ZNF556: variants seen among roughly 807,000 people sequenced by gnomAD.
The protein encoded by ZNF556 is zinc finger protein 556.
A neutral mutation model predicts 13.6 loss-of-function variants in ZNF556; 11 were observed. The ratio of observed to expected loss-of-function variants is 0.81; its 90% CI spans 0.51 to 1.33. The LOEUF is 1.33. ZNF556 is among the 40% of genes most tolerant of loss of function. The pLI is 0.00. For synonymous variants in ZNF556, 229 were observed against 207.8 expected (o/e 1.10, Z -0.88); for missense variants, 633 against 566.2 (o/e 1.12, Z -1.20).
In ZNF556 at chr19:2,880,118, G is replaced by A. The variant is rs1371012051; in HGVS notation, c.*1789G>A. 6.6e-6 allele frequency: 1 copy of A among 152,164 alleles called. No homozygotes were observed. Among genetic ancestry groups the A allele is most frequent in the Non-Finnish European group, 1.5e-5 (1 of 68,034 alleles). 9.4% of individuals were successfully genotyped at this position (152,164 alleles called of 1,614,324 possible). On this transcript the variant is annotated 3_prime_UTR_variant, in exon 4 of 4. Coordinates refer to ENST00000307635, the MANE Select transcript of ZNF556 (RefSeq NM_024967.3). ...TACTGTGACCTAGTATTCTTCGTGA[G>A]ATAAATCTTACCTTTCATGAGAAAA...
chr19:2,878,147 C>A lies in ZNF556; in HGVS notation c.1189C>A (p.Pro397Thr). ...TGAGAGAAAGCACACTGGGGAGAAA[C>A]CTGTAAATGCAGCCAGTGTGGGAAA... ...KHERKHTGEK[P>T]VNAASVGKPS... Residue 397 changes from proline to threonine, a missense_variant, in exon 4 of 4, where the codon CCT (proline) becomes ACT (threonine). Physicochemically the swap from Pro to Thr is conservative, Grantham distance 38. Transcript: ENST00000307635. 1.9e-6 allele frequency: 3 copies of A among 1,614,124 alleles called. No individual in the cohort carries two copies. Among genetic ancestry groups the A allele is most frequent in the Non-Finnish European group, 2.5e-6 (3 of 1,180,022 alleles).
Position 2,867,407 on chromosome 19 carries a change from A to T in ZNF556, c.-15A>T. 1.3e-6 allele frequency: 2 copies of T among 1,582,858 alleles called. No individual in the cohort carries two copies. Among genetic ancestry groups the T allele is most frequent in the Non-Finnish European group, 1.7e-6 (2 of 1,165,788 alleles). On this transcript the variant is annotated 5_prime_UTR_variant, in exon 1 of 4. Coordinates refer to ENST00000307635, the MANE Select transcript of ZNF556 (RefSeq NM_024967.3). ...GAGCAGGGAGCTCCTCAAAGAGCTC[A>T]GGAACGGACAGGACATGGTGAGTGC...
In ZNF556 at chr19:2,880,730, C is replaced by T. The variant is rs1192106200; in HGVS notation, c.*2401C>T. 1 of 151,934 alleles carries T rather than the reference C, an allele frequency of 6.6e-6. No homozygotes were observed. Among genetic ancestry groups the T allele is most frequent in the Non-Finnish European group, 1.5e-5 (1 of 67,982 alleles). The allele number at this position is 151,934 out of a possible 1,614,324, so 9.4% of individuals were successfully genotyped here. A position where few individuals can be genotyped will look rare whatever the true frequency, so the allele number is the denominator to read the frequency against. On this transcript the variant is annotated 3_prime_UTR_variant, in exon 4 of 4. Transcript: ENST00000307635. ...CTTGCCAAGATTGCGACACTGCACT[C>T]CAGCCTGGGTGACAGAGCGAGACTC... is the stretch of plus-strand genomic sequence containing the variant.
At chr19:2,877,138 A>G in intron 3 of ZNF556, 135 bp from the exon 4 acceptor site, 1 of 650,768 alleles carries the variant, frequency 1.5e-6, no homozygotes, top group Admixed American at 3.3e-5. Context: ...TGAACCTGGG[A>G]GGCAGAGGTT....
intron 3 of ZNF556, among the ~76,000 whole-genome samples, chr19:2,876,579 G>A (rs1007395719): frequency 6.6e-6 from 1 of 152,086 alleles, no homozygotes; most frequent in Non-Finnish European, 1.5e-5. Flanking sequence ...AATAGGCGTG[G>A]TGGCATGTGG....
At chr19:2,867,575 C>T in intron 1 of ZNF556, 151 bp downstream of exon 1, 2 of 1,060,338 alleles carry the variant, frequency 1.9e-6, no homozygotes, top group South Asian at 1.5e-5. Context: ...CGGGGAGTTT[C>T]CTCCCCTGCC....
intron 2 of ZNF556, 44 bp downstream of exon 2, chr19:2,873,666 T>C: frequency 6.3e-7 from 1 of 1,592,642 alleles, no homozygotes; most frequent in East Asian, 2.3e-5. Context: ...AGATAATAAA[T>C]GTTTTGTCTG....
rs746225967 is a variant in ZNF556, at chr19:2,878,236, A to C, written c.1278A>C (p.Lys426Asn). 3.1e-6 allele frequency: 5 copies of C among 1,614,196 alleles called. No homozygotes were observed. The highest frequency in any genetic ancestry group is 4.2e-6 in the Non-Finnish European group (5 of 1,180,028). Residue 426 changes from lysine (K) to asparagine (N), a missense_variant, in exon 4 of 4, where the codon AAA (lysine) becomes AAC (asparagine). Lys to Asn is a moderately conservative substitution (Grantham distance 94, BLOSUM62 0). Coordinates refer to ENST00000307635, the MANE Select transcript of ZNF556 (RefSeq NM_024967.3). ...VRTQIGQKPS[K>N]CEKCGKAFSC... ...CGCAGATTGGACAGAAGCCCAGTAA[A>C]TGCGAAAAATGTGGGAAAGCTTTCA...
chr19:2,872,377 T>C (rs1405777058), intron 1 of ZNF556, among the ~76,000 whole-genome samples: 1 of 151,786 alleles, frequency 6.6e-6, no homozygotes, highest in Non-Finnish European at 1.5e-5. Context: ...AGCCCTCTGG[T>C]GGCCCTGTCT....
At chr19:2,876,038 A>C in intron 2 of ZNF556, 55 bp from the exon 3 acceptor site, 1 of 1,450,502 alleles carries the variant, frequency 6.9e-7, no homozygotes, top group South Asian at 1.3e-5. Flanking sequence ...CACCTGAATT[A>C]CTTCTTTCTT....
chr19:2,874,459 G>A (rs1164647265), intron 2 of ZNF556, among the ~76,000 whole-genome samples: 1 of 150,396 alleles, frequency 6.6e-6, no homozygotes, highest in Non-Finnish European at 1.5e-5. Context: ...AAAGACTTAG[G>A]ATCAGCCAGG....
chr19:2,867,725 A>AC (rs2087768380), intron 1 of ZNF556, among the ~76,000 whole-genome samples: 1 of 132,376 alleles, frequency 7.6e-6, no homozygotes, highest in Non-Finnish European at 1.5e-5. Flanking sequence ...AAAACAAAAC[A>AC]AAAAAAAAAA....
rs928752646 is a variant in ZNF556 at position 2,881,105 on chromosome 19, A to G, written c.*2776A>G. On this transcript the variant is annotated 3_prime_UTR_variant, in exon 4 of 4. Coordinates refer to ENST00000307635, the MANE Select transcript of ZNF556 (RefSeq NM_024967.3). The stretch of plus-strand genomic sequence containing the variant: ...CTGGTCTCGATCTCCTGACCTTGTG[A>G]TCTGCCCACCTCGGCCTCCCAAAGT... 6.6e-6 allele frequency: 1 copy of G among 151,938 alleles called. No homozygotes were observed. The highest frequency in any genetic ancestry group is 1.5e-5 in the Non-Finnish European group (1 of 68,008). 9.4% of individuals were successfully genotyped at this position (151,938 alleles called of 1,614,324 possible). A position where few individuals can be genotyped will look rare whatever the true frequency, so the allele number is the denominator to read the frequency against.
chr19:2,871,030 C>T (rs1259101204), intron 1 of ZNF556, among the ~76,000 whole-genome samples: 1 of 143,134 alleles, frequency 7.0e-6, no homozygotes, highest in Non-Finnish European at 1.5e-5. Context: ...CAGAGCGAGA[C>T]TCTATCTCAA....
chr19:2,874,423 C>G (rs1048943257), intron 2 of ZNF556, among the ~76,000 whole-genome samples: 6 of 151,942 alleles, frequency 3.9e-5, no homozygotes, highest in African/African-American at 1.2e-4. Context: ...ACCTATCAAT[C>G]TGTACTTTTC....
At position 2,873,517 on chromosome 19, in the gene ZNF556, G is replaced by C. The variant is rs368592112; in HGVS notation, c.25G>C (p.Val9Leu). 2 of 1,614,050 alleles carry C rather than the reference G, an allele frequency of 1.2e-6. No homozygotes were observed. The highest frequency in any genetic ancestry group is 1.7e-6 in the Non-Finnish European group (2 of 1,180,034). MDTVVFED[V>L]VVDFTLEEWA... ...TTAGGACACAGTGGTCTTTGAAGACGTGGTTGTGGATTTCACGCTGGAGGA... is the reference window on the plus strand; with the variant it reads ...TTAGGACACAGTGGTCTTTGAAGACCTGGTTGTGGATTTCACGCTGGAGGA... Residue 9 changes from valine to leucine, a missense_variant, in exon 2 of 4, where the codon GTG becomes CTG. Coordinates refer to ENST00000307635, the MANE Select transcript of ZNF556 (RefSeq NM_024967.3).
chr19:2,874,015 G>C (rs1008830392), intron 2 of ZNF556, among the ~76,000 whole-genome samples: 1 of 150,794 alleles, frequency 6.6e-6, no homozygotes, highest in African/African-American at 2.4e-5. Context: ...TCAGCACTTT[G>C]GGAGGCCAAG....
At chr19:2,870,204 T>G (rs1201085721) in intron 1 of ZNF556, among the ~76,000 whole-genome samples, 1 of 152,108 alleles carries the variant, frequency 6.6e-6, no homozygotes, top group African/African-American at 2.4e-5. Context: ...CCCAGCACTT[T>G]GGGAGGCCGA....
intron 3 of ZNF556, 99 bp downstream of exon 3, chr19:2,876,375 G>C: frequency 8.0e-7 from 1 of 1,248,686 alleles, no homozygotes; most frequent in South Asian, 1.6e-5. Context: ...GGATCACCTG[G>C]GGTGAGGAGT....
Sources: allele counts gnomAD v4.1 joint callset (sites outside exome capture counted in the v4.1 genomes callset), GRCh38; gene constraint gnomAD v4.1.1; transcripts MANE v1.5; gene names NCBI Gene and HGNC (gene_info 2026-07-23, HGNC 2026-07-21).